Variants in NIN observed in about 807,000 individuals in gnomAD.
NIN encodes ninein.
Under a neutral mutation model 257.6 loss-of-function variants are expected in NIN, and 137 were observed. The ratio of observed to expected loss-of-function variants is 0.53; its 90% confidence interval spans 0.46 to 0.61. The LOEUF (loss-of-function observed/expected upper bound fraction) is 0.61, where lower values mean the gene tolerates loss of function less well. Ranked by LOEUF, NIN falls within the 20% of genes least tolerant of loss-of-function variation. NIN has a pLI of 0.00. For synonymous variants in NIN, 918 were observed against 919.8 expected, an observed-to-expected ratio of 1.00 and a Z score of 0.04; for missense variants, 2,439 against 2,501.2, an observed-to-expected ratio of 0.98 and a Z score of 0.53.
At chr14:50,798,284 G>A (rs929674808) in intron 4 of NIN, among the ~76,000 whole-genome samples, 1 of 152,152 alleles carries the variant, frequency 6.6e-6, no homozygotes, top group East Asian at 1.9e-4. Context: ...AATCTTAGGC[G>A]CAGTCTCCAC....
chr14:50,810,724 T>C (rs557385054), intron 3 of NIN, among the ~76,000 whole-genome samples: 1 of 151,336 alleles, frequency 6.6e-6, no homozygotes, highest in African/African-American at 2.4e-5. Flanking sequence ...TGCAGTGGCG[T>C]GTCTCGGCTC....
intron 3 of NIN, among the ~76,000 whole-genome samples, chr14:50,815,611 T>G (rs2044855888): frequency 6.6e-6 from 1 of 152,200 alleles, no homozygotes; most frequent in African/African-American, 2.4e-5. Flanking sequence ...TGCAGCACTA[T>G]TCACAATAGC....
intron 24 of NIN, 99 bp downstream of exon 24, chr14:50,743,317 T>TA (rs1465351437): frequency 2.6e-6 from 2 of 779,052 alleles, no homozygotes; most frequent in Non-Finnish European, 4.4e-6. Flanking sequence ...GGAACCCTCT[T>TA]ACGCTACTTC....
intron 23 of NIN, 84 bp from the exon 24 acceptor site, chr14:50,743,613 C>T (rs1195344853): frequency 3.9e-6 from 3 of 762,728 alleles, no homozygotes; most frequent in African/African-American, 3.4e-5. Context: ...CTTACATTGT[C>T]AAGAACAAGT....
rs2042106777 is a variant in NIN at position 50,757,918 on chromosome 14, C to T, written c.3112G>A (p.Val1038Met). 6.2e-7 allele frequency: 1 copy of T among 1,614,092 alleles called. No individual in the cohort carries two copies. The change falls in exon 18 of 31, where the codon GTG becomes ATG. Residue 1038 changes from valine to methionine, a missense_variant. Around this residue, in one of 3 missense-constraint regions of NIN, gnomAD observed 2,043 missense variants for 2,050.2 expected, o/e 1.00. Coordinates refer to ENST00000530997, the MANE Select transcript of NIN (RefSeq NM_020921.4). The stretch of plus-strand genomic sequence containing the variant: ...CCTTCCACCTCCTCCTCTCCTATCA[C>T]CTGGCAACCACTCTGAAGCATTGAG... ...PLSMLQSGCQ[V>M]IGEEEVEGDG...
At chr14:50,729,352 C>CT (rs1229181448) in intron 29 of NIN, among the ~76,000 whole-genome samples, 171 bp downstream of exon 29, 2 of 151,948 alleles carry the variant, frequency 1.3e-5, no homozygotes, top group African/African-American at 4.8e-5. Context: ...TCACTGCAGC[C>CT]TTGAACCTCT....
intron 14 of NIN, among the ~76,000 whole-genome samples, chr14:50,765,275 G>A (rs2042435843): frequency 6.6e-6 from 1 of 151,964 alleles, no homozygotes; most frequent in African/African-American, 2.4e-5. Context: ...TGAACTGGGG[G>A]AATTTCTGAA....
chr14:50,790,036 C>T (rs1053321522), intron 5 of NIN, among the ~76,000 whole-genome samples: 8 of 152,132 alleles, frequency 5.3e-5, no homozygotes, highest in Admixed American at 2.6e-4. Context: ...ACAGGAACAT[C>T]GAAAATGTCT....
In NIN at chr14:50,757,354, A is replaced by C; in HGVS notation, c.3676T>G (p.Phe1226Val). The change falls in exon 18 of 31, where the codon TTT (phenylalanine) becomes GTT (valine). Residue 1226 changes from phenylalanine (F) to valine (V), a missense_variant. By Grantham distance (50) the Phe-to-Val change is conservative. This residue lies in a region of NIN where 2,043 missense variants were observed against 2,050.2 expected (regional missense o/e 1.00). Coordinates refer to ENST00000530997, the MANE Select transcript of NIN (RefSeq NM_020921.4). ...TTCTTTTTTAGCACAGAAACATCAA[A>C]AAGTAGGTCCTGTTTCTTTTCAGAA... ...RASEKKQDLLFDVSVLKKKLK... is the reference protein window; with the variant it reads ...RASEKKQDLLVDVSVLKKKLK... 6.2e-7 allele frequency: 1 copy of C among 1,613,792 alleles called. No individual in the cohort carries two copies. The highest frequency in any genetic ancestry group is 8.5e-7 in the Non-Finnish European group (1 of 1,179,950).
At chr14:50,740,535 A>AGAT (rs1277738922) in intron 25 of NIN, among the ~76,000 whole-genome samples, 4 of 152,150 alleles carry the variant, frequency 2.6e-5, no homozygotes, top group African/African-American at 9.6e-5. Context: ...TTTTTAGTAG[A>AGAT]GATGGGGTTT....
chr14:50,799,367 G>A (rs2043981846), intron 4 of NIN, among the ~76,000 whole-genome samples: 1 of 152,160 alleles, frequency 6.6e-6, no homozygotes, highest in Admixed American at 6.5e-5. Flanking sequence ...AGCCAGTGGT[G>A]GCCCAAAGCC....
chr14:50,775,105 C>T (rs1381832142), intron 7 of NIN, among the ~76,000 whole-genome samples: 3 of 152,200 alleles, frequency 2.0e-5, no homozygotes, highest in Non-Finnish European at 4.4e-5. Flanking sequence ...TGCTGGGAAA[C>T]TGAACACAGG....
chr14:50,728,788 A>G, intron 29 of NIN, among the ~76,000 whole-genome samples: 1 of 152,258 alleles, frequency 6.6e-6, no homozygotes, highest in South Asian at 2.1e-4. Flanking sequence ...TTGAAAACCT[A>G]AGTAATATAA....
intron 3 of NIN, among the ~76,000 whole-genome samples, chr14:50,811,216 C>T (rs1356986289): frequency 1.3e-5 from 2 of 151,328 alleles, no homozygotes; most frequent in Non-Finnish European, 2.9e-5. Flanking sequence ...TCAAGCAATT[C>T]TCCTGCCTCA....
rs780230779 is a variant in NIN, at chr14:50,792,727, G to A, written c.420C>T (p.Ala140=). The A allele has an allele frequency of 3.1e-6, 5 of 1,614,008 alleles. No homozygotes were observed. Among genetic ancestry groups the A allele is most frequent in the South Asian group, 2.2e-5 (2 of 91,076 alleles). Residue 140 remains alanine (A), a synonymous_variant, in exon 5 of 31, where the codon GCC becomes GCT. Transcript: ENST00000530997. Reference sequence around the variant, plus strand: ...GATTCCTTACCTCACTGCAGTCACCGGCTGGGATGTGTGAAGGCCGCGCTT... The same window carrying A: ...GATTCCTTACCTCACTGCAGTCACCAGCTGGGATGTGTGAAGGCCGCGCTT... ...DEEARPSHIP[A]GDCSEHWKTQ...
At chr14:50,800,785 CTTTT>C in intron 4 of NIN, among the ~76,000 whole-genome samples, 1 of 138,778 alleles carries the variant, frequency 7.2e-6, no homozygotes, top group Non-Finnish European at 1.6e-5. Flanking sequence ...TTTTTCTTTG[CTTTT>C]TTTTTTTTTT....
chr14:50,743,796 A>T (rs1232368831), intron 23 of NIN, among the ~76,000 whole-genome samples: 1 of 152,118 alleles, frequency 6.6e-6, no homozygotes, highest in Non-Finnish European at 1.5e-5. Flanking sequence ...GGAAGATGGT[A>T]AGCTGGAAGG....
At chr14:50,816,646 C>CT (rs943006804) in intron 3 of NIN, among the ~76,000 whole-genome samples, 18 of 152,166 alleles carry the variant, frequency 1.2e-4, no homozygotes, top group Non-Finnish European at 7.4e-5. Flanking sequence ...CAGATGAACT[C>CT]TGAGGTCTAA....
At chr14:50,753,166 G>A (rs61985509) in intron 20 of NIN, among the ~76,000 whole-genome samples, 238 of 152,312 alleles carry the variant, frequency 1.6e-3, no homozygotes, top group Non-Finnish European at 2.2e-3. Context: ...TTGGGACGCC[G>A]AGACAGGCGG....
Sources: gnomAD v4.1 joint callset for allele counts (sites outside exome capture counted in the v4.1 genomes callset) on GRCh38, gnomAD v4.1.1 for gene constraint, gnomAD v4.1.1 regional missense constraint, MANE v1.5 for transcripts, NCBI Gene and HGNC (gene_info 2026-07-23, HGNC 2026-07-21) for gene names.